Variants in TBC1D4 observed in about 807,000 individuals in gnomAD.
TBC1D4 encodes TBC1 domain family member 4.
A neutral mutation model predicts 142.5 loss-of-function variants in TBC1D4; 121 were observed. The ratio of observed to expected loss-of-function variants is 0.85; its 90% CI spans 0.73 to 0.99. TBC1D4 has a LOEUF of 0.99. TBC1D4 is among the 50% of genes least tolerant of loss of function. TBC1D4 has a pLI of 0.00. For missense variants in TBC1D4, 1,475 were observed against 1,606.6 expected, an observed-to-expected ratio of 0.92 and a Z score of 1.40; for synonymous variants, 630 against 628.2, an observed-to-expected ratio of 1.00 and a Z score of -0.04.
chr13:75,421,030 T>A (rs1045214848), intron 1 of TBC1D4, among the ~76,000 whole-genome samples: 11 of 152,228 alleles, frequency 7.2e-5, no homozygotes, highest in Admixed American at 2.6e-4. Context: ...CATCACTCTT[T>A]GCTTAAAATT....
intron 5 of TBC1D4, among the ~76,000 whole-genome samples, chr13:75,344,101 G>A (rs961201382): frequency 2.2e-4 from 33 of 152,080 alleles, no homozygotes; most frequent in Non-Finnish European, 4.4e-4. Flanking sequence ...CACCTGCCTC[G>A]GCCTCCCAAA....
At chr13:75,468,340 T>C (rs1443488876) in intron 1 of TBC1D4, among the ~76,000 whole-genome samples, 5 of 152,190 alleles carry the variant, frequency 3.3e-5, no homozygotes, top group African/African-American at 1.2e-4. Context: ...TGAGATCATG[T>C]TACCACTGGG....
At chr13:75,477,650 C>T (rs1593930120) in intron 1 of TBC1D4, among the ~76,000 whole-genome samples, 1 of 152,246 alleles carries the variant, frequency 6.6e-6, no homozygotes, top group Non-Finnish European at 1.5e-5. Flanking sequence ...CATAAAATAA[C>T]TTTTTAACAG....
At chr13:75,389,738 C>T (rs564538023) in intron 1 of TBC1D4, among the ~76,000 whole-genome samples, 1 of 152,184 alleles carries the variant, frequency 6.6e-6, no homozygotes, top group Admixed American at 6.5e-5. Context: ...ACTACAAAAT[C>T]ACAACCAATT....
chr13:75,467,097 C>T (rs1454030808), intron 1 of TBC1D4, among the ~76,000 whole-genome samples: 2 of 152,022 alleles, frequency 1.3e-5, no homozygotes, highest in South Asian at 2.1e-4. Flanking sequence ...CCTAAGTAAA[C>T]GGGGTAATAT....
chr13:75,319,117 C>T (rs1364986327), intron 12 of TBC1D4, among the ~76,000 whole-genome samples: 2 of 152,132 alleles, frequency 1.3e-5, no homozygotes, highest in Non-Finnish European at 1.5e-5. Flanking sequence ...GGTCTTACAC[C>T]TAACCATGAC....
intron 1 of TBC1D4, among the ~76,000 whole-genome samples, chr13:75,384,095 TAA>T (rs570526110): frequency 0.099 from 7,573 of 76,754 alleles, 360 homozygotes; most frequent in African/African-American, 0.18. Flanking sequence ...TAAAGTATAA[TAA>T]AAAAAAATAA....
At position 75,362,323 on chromosome 13, in the gene TBC1D4, C is replaced by G; in HGVS notation, c.783G>C (p.Gly261=). The part of the protein sequence containing the change: ...DLADLEVVVP[G]SPGDCLPEEA... ...CCTCCGGCAGGCAGTCTCCGGGGGA[C>G]CCGGGCACCACCACCTCCAAGTCAG... is the stretch of plus-strand genomic sequence containing the variant. Residue 261 remains glycine, a synonymous_variant, in exon 2 of 21, where the codon GGG becomes GGC. Transcript: ENST00000377636. The surrounding 1 kb of genome is among the most constrained non-coding windows in gnomAD (Gnocchi z 4.2). 1.2e-6 allele frequency: 2 copies of G among 1,614,050 alleles called. No homozygotes were observed. Among genetic ancestry groups the G allele is most frequent in the Non-Finnish European group, 1.7e-6 (2 of 1,180,036 alleles).
chr13:75,369,468 T>G (rs9565156), intron 1 of TBC1D4, among the ~76,000 whole-genome samples: 2 of 151,036 alleles, frequency 1.3e-5, no homozygotes, highest in Middle Eastern at 3.2e-3. Context: ...CTGCATTATA[T>G]AGCCTGGGTG....
chr13:75,477,079 A>G (rs534423753), intron 1 of TBC1D4, among the ~76,000 whole-genome samples: 1 of 152,174 alleles, frequency 6.6e-6, no homozygotes, highest in African/African-American at 2.4e-5. Flanking sequence ...ATTAACCTCC[A>G]CTTCAGACTG....
intron 19 of TBC1D4, 88 bp from the exon 20 acceptor site, chr13:75,289,198 T>G: frequency 6.7e-7 from 1 of 1,484,380 alleles, no homozygotes; most frequent in African/African-American, 1.4e-5. Context: ...CATGTATATT[T>G]CCAAATACTT....
rs367949732 is a variant in TBC1D4 at position 75,324,303 on chromosome 13, G to T, written c.2132C>A (p.Pro711His). 14 of 1,613,842 alleles carry T rather than the reference G, an allele frequency of 8.7e-6. No homozygotes were observed. The highest frequency in any genetic ancestry group is 1.7e-5 in the Admixed American group (1 of 59,992). The change falls in exon 11 of 21, where the codon CCC becomes CAC. Residue 711 changes from proline to histidine, a missense_variant. Pro to His is a moderately conservative substitution (Grantham distance 77). Transcript: ENST00000377636. ...CTGGTAAAAGCTTTTCAGGAAAGAG[G>T]GGGCAGTGAAGGAAGGGGCAGAGAA... is the stretch of plus-strand genomic sequence containing the variant. Reference protein sequence around the residue: ...TSFSAPSFTAPSFLKSFYQNS... With the variant: ...TSFSAPSFTAHSFLKSFYQNS...
At chr13:75,466,851 C>T (rs1415679487) in intron 1 of TBC1D4, among the ~76,000 whole-genome samples, 1 of 150,110 alleles carries the variant, frequency 6.7e-6, no homozygotes, top group African/African-American at 2.5e-5. Context: ...AGCCTCGTGA[C>T]AAAGTGAGAC....
intron 1 of TBC1D4, among the ~76,000 whole-genome samples, chr13:75,418,966 A>C (rs1035738377): frequency 6.6e-6 from 1 of 152,302 alleles, no homozygotes; most frequent in Non-Finnish European, 1.5e-5. Flanking sequence ...CAAAAACCAC[A>C]TGTGGGACCT....
chr13:75,294,426 G>A (rs759499879), intron 18 of TBC1D4, among the ~76,000 whole-genome samples: 5 of 152,324 alleles, frequency 3.3e-5, no homozygotes, highest in Middle Eastern at 3.4e-3. Context: ...GTTAAGAAAT[G>A]CCATTAGAAA....
chr13:75,455,582 C>CT (rs1344279123), intron 1 of TBC1D4, among the ~76,000 whole-genome samples: 4 of 151,964 alleles, frequency 2.6e-5, no homozygotes, highest in South Asian at 2.1e-4. Flanking sequence ...AAAATATATA[C>CT]TTTTTTTAAT....
chr13:75,337,147 A>C (rs920942185), intron 7 of TBC1D4, 107 bp from the exon 8 acceptor site: 17 of 999,642 alleles, frequency 1.7e-5, no homozygotes, highest in Non-Finnish European at 2.3e-5. Flanking sequence ...AGAATTCTTC[A>C]GTAGCTCTAT....
intron 1 of TBC1D4, among the ~76,000 whole-genome samples, chr13:75,378,278 G>C (rs1883632449): frequency 6.6e-6 from 1 of 151,940 alleles, no homozygotes; most frequent in African/African-American, 2.4e-5. Context: ...GAAACTTTTG[G>C]AATGTTTTGT....
At chr13:75,331,756 A>G (rs1431082135) in intron 8 of TBC1D4, among the ~76,000 whole-genome samples, 2 of 152,032 alleles carry the variant, frequency 1.3e-5, no homozygotes, top group Admixed American at 1.3e-4. Flanking sequence ...TAGTTAGCTA[A>G]ATAAAATATT....
Sources: gnomAD v4.1 joint callset for allele counts (sites outside exome capture counted in the v4.1 genomes callset) on GRCh38, gnomAD v4.1.1 for gene constraint, Gnocchi (gnomAD v3.1) non-coding constraint, MANE v1.5 for transcripts, NCBI Gene and HGNC (gene_info 2026-07-23, HGNC 2026-07-21) for gene names.